Variants in NOS1 observed in about 807,000 individuals in gnomAD.
NOS1 encodes nitric oxide synthase 1.
A neutral mutation model predicts 164.5 loss-of-function variants in NOS1; 51 were observed. The ratio of observed to expected loss-of-function variants is 0.31; its 90% confidence interval spans 0.25 to 0.39. The LOEUF is 0.39. Ranked by LOEUF, NOS1 falls within the 10% of genes least tolerant of loss-of-function variation. The pLI is 1.00. For synonymous variants in NOS1, 719 were observed against 745.8 expected (o/e 0.96, Z 0.59); for missense variants, 1,362 against 1,885.6 (o/e 0.72, Z 5.14).
intron 3 of NOS1, among the ~76,000 whole-genome samples, chr12:117,297,603 G>A (rs926847266): frequency 1.3e-5 from 2 of 151,830 alleles, no homozygotes; most frequent in Non-Finnish European, 2.9e-5. Flanking sequence ...TGTTGGTTGG[G>A]CTGATCTCGA....
At position 117,210,703 on chromosome 12, in the gene NOS1, C is replaced by G. The variant is rs1956513730; in HGVS notation, c.*4606G>C. 1 of 985,330 alleles carries G rather than the reference C, an allele frequency of 1.0e-6. No homozygotes were observed. 61.0% of individuals were successfully genotyped at this position (985,330 alleles called of 1,614,324 possible). On this transcript the variant is annotated 3_prime_UTR_variant, in exon 29 of 29. Coordinates refer to ENST00000317775, the MANE Select transcript of NOS1 (RefSeq NM_000620.5). ...TTGAGCTTAGGGCAAGACCTGACCT[C>G]TTTCAAAGTCCAGAGCAGGCAGCTG...
intron 3 of NOS1, chr12:117,305,149 G>A: frequency 1.2e-6 from 1 of 869,480 alleles, no homozygotes; most frequent in Non-Finnish European, 1.4e-6. Context: ...CCATAAATGT[G>A]GGTTACAACT....
intron 16 of NOS1, among the ~76,000 whole-genome samples, chr12:117,256,635 A>G (rs1399143218): frequency 6.6e-6 from 1 of 152,038 alleles, no homozygotes; most frequent in East Asian, 1.9e-4. Flanking sequence ...AGAGCATTTG[A>G]TGTTCACCTT....
chr12:117,298,323 G>C (rs554675598), intron 3 of NOS1, among the ~76,000 whole-genome samples: 64 of 152,234 alleles, frequency 4.2e-4, no homozygotes, highest in Non-Finnish European at 5.9e-4. Context: ...ACAGGGGGCA[G>C]AGCCCAGGCG....
chr12:117,358,101 A>G (rs942081745), intron 1 of NOS1, among the ~76,000 whole-genome samples: 7 of 152,240 alleles, frequency 4.6e-5, no homozygotes, highest in Admixed American at 3.3e-4. Context: ...AAGTCTTGTC[A>G]TAAGACACCC....
chr12:117,286,300 CCCCTCTT>C, intron 5 of NOS1, 34 bp from the exon 6 acceptor site: 1 of 1,609,762 alleles, frequency 6.2e-7, no homozygotes, highest in Non-Finnish European at 8.5e-7. Flanking sequence ...GGAACATCAC[CCCCTCTT>C]CTGAATTAGA....
At chr12:117,240,901 T>C (rs1381461675) in intron 20 of NOS1, among the ~76,000 whole-genome samples, 1 of 151,970 alleles carries the variant, frequency 6.6e-6, no homozygotes, top group African/African-American at 2.4e-5. Context: ...ACCGGCTCTG[T>C]CCATCCATCT....
chr12:117,280,643 T>G, intron 8 of NOS1, 82 bp downstream of exon 8: 4 of 1,412,794 alleles, frequency 2.8e-6, no homozygotes, highest in Non-Finnish European at 3.8e-6. Context: ...CCTGTGATGA[T>G]AGCATTAAGC....
chr12:117,309,137 A>G (rs1874304295), intron 3 of NOS1, among the ~76,000 whole-genome samples: 1 of 152,168 alleles, frequency 6.6e-6, no homozygotes, highest in Admixed American at 6.6e-5. Context: ...AATATAGAAG[A>G]GCTTTAAACC....
At chr12:117,313,018 CCATCAT>C (rs1453224785) in intron 2 of NOS1, among the ~76,000 whole-genome samples, 4 of 152,124 alleles carry the variant, frequency 2.6e-5, no homozygotes, top group Non-Finnish European at 5.9e-5. Flanking sequence ...ATCACCATCA[CCATCAT>C]CATCACCATA....
At chr12:117,361,425 C>T (rs894407499) in intron 1 of NOS1, 87 bp downstream of exon 1, 1 of 151,608 alleles carries the variant, frequency 6.6e-6, no homozygotes, top group East Asian at 2.0e-4. Flanking sequence ...CGTCCCCTCC[C>T]TCAGCCTCAG....
At chr12:117,352,045 C>T (rs1876644162) in intron 1 of NOS1, among the ~76,000 whole-genome samples, 1 of 152,148 alleles carries the variant, frequency 6.6e-6, no homozygotes, top group Non-Finnish European at 1.5e-5. Context: ...TGGTGGTGCA[C>T]ACCTGTAGTC....
chr12:117,280,777 T>C lies in NOS1; in HGVS notation c.1472A>G (p.Lys491Arg). 1.2e-6 allele frequency: 2 copies of C among 1,614,212 alleles called. No homozygotes were observed. The highest frequency in any genetic ancestry group is 1.1e-5 in the South Asian group (1 of 91,088). ...CCCCAGGGTGGAGCCGTCAGGCTGC[T>C]TGTAGCCAGCGTAGCGGATGAGCTG... ...NSQLIRYAGY[K>R]QPDGSTLGDP... Residue 491 changes from lysine to arginine, a missense_variant, in exon 8 of 29, where the codon AAG becomes AGG. By Grantham distance (26) the Lys-to-Arg change is conservative. Transcript: ENST00000317775.
chr12:117,357,700 G>A (rs928619646), intron 1 of NOS1, among the ~76,000 whole-genome samples: 1 of 152,198 alleles, frequency 6.6e-6, no homozygotes, highest in Non-Finnish European at 1.5e-5. Context: ...TGCTGATTCG[G>A]TAGATTTAGG....
intron 7 of NOS1, among the ~76,000 whole-genome samples, 191 bp downstream of exon 7, chr12:117,285,050 A>C (rs1592988177): frequency 1.0e-4 from 1 of 9,612 alleles, no homozygotes; most frequent in Admixed American, 1.5e-3. Flanking sequence ...ACTCTGTCTC[A>C]AAAAAAAAAA....
chr12:117,282,575 G>A (rs3782202), intron 7 of NOS1, among the ~76,000 whole-genome samples: 125,056 of 152,162 alleles, frequency 0.82, 51,480 homozygotes, highest in African/African-American at 0.87. Context: ...TTTAGGTCTT[G>A]CTCTCTACAC....
intron 1 of NOS1, among the ~76,000 whole-genome samples, chr12:117,351,129 A>AG (rs1464131713): frequency 6.6e-6 from 1 of 151,216 alleles, no homozygotes; most frequent in East Asian, 1.9e-4. Context: ...AAGAAGAAGA[A>AG]AAAAAAAAGT....
intron 1 of NOS1, chr12:117,348,454 A>G (rs954084984): frequency 6.6e-6 from 1 of 152,344 alleles, no homozygotes; most frequent in South Asian, 2.1e-4. Flanking sequence ...TGAAGATTCC[A>G]TGAAGTAACG....
At chr12:117,296,600 G>A (rs1873433219) in intron 3 of NOS1, among the ~76,000 whole-genome samples, 1 of 152,008 alleles carries the variant, frequency 6.6e-6, no homozygotes, top group African/African-American at 2.4e-5. Flanking sequence ...GCTTGTAGAT[G>A]GCCTATTGTG....
Sources: allele counts gnomAD v4.1 joint callset (sites outside exome capture counted in the v4.1 genomes callset), GRCh38; gene constraint gnomAD v4.1.1; transcripts MANE v1.5; gene names NCBI Gene and HGNC (gene_info 2026-07-23, HGNC 2026-07-21).